Variants in PELI2 observed in about 807,000 individuals in gnomAD.
The protein encoded by PELI2 is pellino E3 ubiquitin protein ligase family member 2.
Under a neutral mutation model 42.3 loss-of-function variants are expected in PELI2, and 23 were observed. The observed-to-expected ratio is 0.54, with a 90% confidence interval of 0.39 to 0.77. The LOEUF (loss-of-function observed/expected upper bound fraction) is 0.77, where lower values mean the gene tolerates loss of function less well. PELI2 is among the 30% of genes least tolerant of loss of function. PELI2 has a pLI of 0.00. For missense variants in PELI2, 463 were observed against 553.2 expected (o/e 0.84, Z 1.64); for synonymous variants, 245 against 212.2 (o/e 1.15, Z -1.34).
chr14:56,127,748 C>T lies in PELI2; in HGVS notation c.77+9011C>T, dbSNP rs115658924. On this transcript the variant is annotated intron_variant, in intron 1 of 5. Coordinates refer to ENST00000267460, the MANE Select transcript of PELI2 (RefSeq NM_021255.3). ...ACATTCCTCTAGTAGCTAAAGTGAA[C>T]GTAACTTCTGAAATTTCCCCAGATT... 7.4e-3 allele frequency among the ~76,000 whole-genome samples: 1,127 copies of T among 152,252 alleles called. 19 individuals carry two copies. The highest frequency in any genetic ancestry group is 0.026 in the African/African-American group (1,066 of 41,512).
chr14:56,133,604 C>T (rs960871566), intron 1 of PELI2, among the ~76,000 whole-genome samples: 1 of 152,212 alleles, frequency 6.6e-6, no homozygotes, highest in South Asian at 2.1e-4. Context: ...GTTACATGTT[C>T]ATGTAACTTT....
intron 3 of PELI2, among the ~76,000 whole-genome samples, chr14:56,280,319 G>A (rs1299934771): frequency 6.6e-6 from 1 of 151,898 alleles, no homozygotes; most frequent in African/African-American, 2.4e-5. Flanking sequence ...GAAAGTACAG[G>A]ATGGGTTTGG....
intron 2 of PELI2, among the ~76,000 whole-genome samples, chr14:56,226,264 C>T (rs914237471): frequency 6.6e-6 from 1 of 152,164 alleles, no homozygotes; most frequent in East Asian, 1.9e-4. Flanking sequence ...CTAACCCAGG[C>T]CCAGGCTGCT....
chr14:56,144,660 A>G (rs964909580), intron 1 of PELI2, among the ~76,000 whole-genome samples: 1 of 152,252 alleles, frequency 6.6e-6, no homozygotes, highest in Non-Finnish European at 1.5e-5. Context: ...TGCTAATATG[A>G]TAGATATGAT....
At position 56,298,103 on chromosome 14, in the gene PELI2, G is replaced by GTT; in HGVS notation, c.*947_*948dup. On this transcript the variant is annotated 3_prime_UTR_variant, in exon 6 of 6. Transcript: ENST00000267460. The stretch of plus-strand genomic sequence containing the variant: ...CACTTGAGGTTTCATAAAGCTTGGG[G>GTT]TTTTTTTTTTTCCTTTGTTAAGAAA... The GTT allele has an allele frequency of 6.8e-6, 1 of 146,292 alleles. No homozygotes were observed. The allele number at this position is 146,292 out of a possible 1,614,324, so 9.1% of individuals were successfully genotyped here. A position where few individuals can be genotyped will look rare whatever the true frequency, so the allele number is the denominator to read the frequency against.
rs186210218 is a variant in PELI2, at chr14:56,237,309, G to A, written c.208-42367G>A. On this transcript the variant is annotated intron_variant, in intron 2 of 5. Transcript: ENST00000267460. ...AATCAATTAATTATTTATTTAGCCT[G>A]TCTGCTTTCCACTACAGGGGCTAGG... 1.6e-3 allele frequency among the ~76,000 whole-genome samples: 243 copies of A among 152,264 alleles called. 1 individual carries two copies. The highest frequency in any genetic ancestry group is 2.5e-3 in the Non-Finnish European group (169 of 68,020).
chr14:56,231,586 A>G (rs1447226905), intron 2 of PELI2, among the ~76,000 whole-genome samples: 1 of 152,222 alleles, frequency 6.6e-6, no homozygotes, highest in Non-Finnish European at 1.5e-5. Flanking sequence ...ACATACCAGA[A>G]TCTCTGGGAC....
chr14:56,157,400 G>A (rs1884607185), intron 1 of PELI2, among the ~76,000 whole-genome samples: 1 of 152,242 alleles, frequency 6.6e-6, no homozygotes, highest in East Asian at 1.9e-4. Flanking sequence ...TCTAGAAATA[G>A]AAGAATCTTC....
In PELI2 at chr14:56,296,889, A is replaced by G. The variant is rs1594724878; in HGVS notation, c.986A>G (p.Glu329Gly). ...AACTGGGGCCATCGGAGTGACACGG[A>G]GGCCAACGAGAGGGAGTGTCCCATG... ...YHNWGHRSDTEANERECPMCR... is the reference protein window; with the variant it reads ...YHNWGHRSDTGANERECPMCR... The change falls in exon 6 of 6, where the codon GAG becomes GGG. Residue 329 changes from glutamate (E) to glycine (G), a missense_variant. Transcript: ENST00000267460. The G allele has an allele frequency of 6.2e-7, 1 of 1,614,150 alleles. No homozygotes were observed. Among genetic ancestry groups the G allele is most frequent in the African/African-American group, 1.3e-5 (1 of 75,036 alleles).
chr14:56,235,998 T>C lies in PELI2; in HGVS notation c.208-43678T>C, dbSNP rs79100829. Among the ~76,000 whole-genome samples the C allele has an allele frequency of 7.1e-3, 1,078 of 152,344 alleles. 18 individuals are homozygous for C. The highest frequency in any genetic ancestry group is 0.024 in the African/African-American group (1,007 of 41,582). ...AACTGTTGGTCCTTGACATTTTCTT[T>C]TGTTTCTCTTTTGGTCCTAGTGGGA... On this transcript the variant is annotated intron_variant, in intron 2 of 5. Transcript: ENST00000267460.
At chr14:56,265,372 T>C (rs1220168415) in intron 2 of PELI2, among the ~76,000 whole-genome samples, 1 of 152,108 alleles carries the variant, frequency 6.6e-6, no homozygotes, top group African/African-American at 2.4e-5. Context: ...GCAATTCTGT[T>C]GAAAAAGGAT....
chr14:56,282,393 A>T (rs1368186769), intron 3 of PELI2, among the ~76,000 whole-genome samples: 2 of 152,088 alleles, frequency 1.3e-5, no homozygotes, highest in African/African-American at 4.8e-5. Context: ...GAAATATTAC[A>T]TTATTAAATG....
chr14:56,143,490 A>G (rs770557830), intron 1 of PELI2, among the ~76,000 whole-genome samples: 31 of 152,306 alleles, frequency 2.0e-4, no homozygotes, highest in Non-Finnish European at 4.0e-4. Flanking sequence ...CCATCAGTAG[A>G]TCTTGCCTGC....
chr14:56,234,833 GAA>G (rs758661340), intron 2 of PELI2, among the ~76,000 whole-genome samples: 1 of 152,124 alleles, frequency 6.6e-6, no homozygotes, highest in Non-Finnish European at 1.5e-5. Context: ...AAATGAAGGT[GAA>G]GAAGGCAATG....
At chr14:56,124,785 T>C (rs1292117896) in intron 1 of PELI2, among the ~76,000 whole-genome samples, 2 of 151,854 alleles carry the variant, frequency 1.3e-5, no homozygotes, top group Non-Finnish European at 2.9e-5. Context: ...AGGGAAGGAG[T>C]GCTTTCCGAA....
chr14:56,146,183 C>G (rs1448992895), intron 1 of PELI2, among the ~76,000 whole-genome samples: 1 of 152,136 alleles, frequency 6.6e-6, no homozygotes. Context: ...AGTCCTGGTT[C>G]TTGTGGAGTG....
rs925578126 is a variant in PELI2, at chr14:56,297,917, C to T, written c.*751C>T. On this transcript the variant is annotated 3_prime_UTR_variant, in exon 6 of 6. Transcript: ENST00000267460. ...TTGCCCCGATACTCATCTTGCACGG[C>T]CAGAACTGTTTGGTTGATTAAAATA... 3 of 152,058 alleles carry T rather than the reference C, an allele frequency of 2.0e-5. No homozygotes were observed. Among genetic ancestry groups the T allele is most frequent in the African/African-American group, 7.2e-5 (3 of 41,392 alleles). The allele number at this position is 152,058 out of a possible 1,614,324, so 9.4% of individuals were successfully genotyped here.
At chr14:56,204,761 A>G (rs1886453071) in intron 2 of PELI2, among the ~76,000 whole-genome samples, 1 of 152,058 alleles carries the variant, frequency 6.6e-6, no homozygotes, top group Non-Finnish European at 1.5e-5. Context: ...TGGGAAGAGA[A>G]TCTGAAAGTG....
chr14:56,124,163 G>A (rs1054094800), intron 1 of PELI2, among the ~76,000 whole-genome samples: 1 of 152,194 alleles, frequency 6.6e-6, no homozygotes, highest in Non-Finnish European at 1.5e-5. Context: ...AATAAGAGCA[G>A]AAAGTGCTTC....
Sources: allele counts gnomAD v4.1 joint callset (sites outside exome capture counted in the v4.1 genomes callset), GRCh38; gene constraint gnomAD v4.1.1; transcripts MANE v1.5; gene names NCBI Gene and HGNC (gene_info 2026-07-23, HGNC 2026-07-21).